The following FOXP2 variants were observed in gnomAD, a reference collection of about 807,000 sequenced individuals.
FOXP2 encodes the protein forkhead box P2.
In FOXP2, 12 loss-of-function variants were observed where a neutral mutation model predicts 115.8. That is an observed-to-expected ratio of 0.10 (90% CI 0.07 to 0.17). The LOEUF is 0.17. FOXP2 is among the 10% of genes least tolerant of loss of function. The pLI, the probability that FOXP2 is intolerant of heterozygous loss-of-function variation, is 1.00. For missense variants in FOXP2, 629 were observed against 843.5 expected (o/e 0.75, Z 3.15); for synonymous variants, 328 against 297.7 (o/e 1.10, Z -1.05).
rs1428898811 is a variant in FOXP2, at chr7:114,475,446, T to A, written c.168+48767T>A. Among the ~76,000 whole-genome samples the A allele has an allele frequency of 5.3e-5, 8 of 151,892 alleles. No homozygotes were observed. The East Asian group carries it at 1.5e-3, about 29-fold the overall frequency. Reference sequence around the variant, plus strand: ...TCAAGCCTGCATGAAAGTAAAAGAGTAGAAATTCTGTGCATATATGTTATA... The same window carrying A: ...TCAAGCCTGCATGAAAGTAAAAGAGAAGAAATTCTGTGCATATATGTTATA... On this transcript the variant is annotated intron_variant, in intron 2 of 16. Coordinates refer to ENST00000350908, the MANE Select transcript of FOXP2 (RefSeq NM_014491.4).
At chr7:114,485,323 A>G (rs1259814658) in intron 2 of FOXP2, among the ~76,000 whole-genome samples, 1 of 151,938 alleles carries the variant, frequency 6.6e-6, no homozygotes, top group African/African-American at 2.4e-5. Context: ...TCATATTGCT[A>G]TATTTTCTTA....
chr7:114,691,446 T>C lies in FOXP2; in HGVS notation c.*1520T>C. 2.2e-6 allele frequency: 1 copy of C among 454,014 alleles called. No individual in the cohort carries two copies. Among genetic ancestry groups the C allele is most frequent in the South Asian group, 1.6e-5 (1 of 64,468 alleles). The allele number at this position is 454,014 out of a possible 1,614,324, so 28.1% of individuals were successfully genotyped here. ...AGTTACATATAATTCTGCCTCTGCT[T>C]ATACGGGATATTAACACTAACAATA... On this transcript the variant is annotated 3_prime_UTR_variant, in exon 17 of 17. Transcript: ENST00000350908.
intron 16 of FOXP2, among the ~76,000 whole-genome samples, chr7:114,675,789 G>T (rs1313034554): frequency 6.6e-6 from 1 of 152,060 alleles, no homozygotes; most frequent in Admixed American, 6.6e-5. Context: ...TATGACTATA[G>T]AAATAGTCTA....
chr7:114,165,947 A>G (rs1015072728), intron 1 of FOXP2, among the ~76,000 whole-genome samples: 4 of 152,240 alleles, frequency 2.6e-5, no homozygotes, highest in Admixed American at 1.3e-4. Flanking sequence ...AAACTCAGAA[A>G]TGGACCCACA....
At chr7:114,420,544 C>T (rs988059170) in intron 1 of FOXP2, among the ~76,000 whole-genome samples, 1 of 151,758 alleles carries the variant, frequency 6.6e-6, no homozygotes, top group African/African-American at 2.4e-5. Context: ...AAACTGTAGC[C>T]AGTATTTATT....
intron 3 of FOXP2, among the ~76,000 whole-genome samples, chr7:114,620,473 A>G (rs1337155147): frequency 6.6e-6 from 1 of 152,082 alleles, no homozygotes; most frequent in Non-Finnish European, 1.5e-5. Context: ...ATGTCATGCT[A>G]TGAAGAGCCT....
intron 3 of FOXP2, among the ~76,000 whole-genome samples, chr7:114,536,405 T>C (rs1361577729): frequency 7.1e-6 from 1 of 141,234 alleles, no homozygotes; most frequent in South Asian, 2.2e-4. Flanking sequence ...TTCTTTTTTT[T>C]TTTTTTTTTT....
chr7:114,110,112 A>G (rs145791210), intron 1 of FOXP2, among the ~76,000 whole-genome samples: 77 of 152,294 alleles, frequency 5.1e-4, no homozygotes, highest in Non-Finnish European at 8.8e-4. Flanking sequence ...CTTGTTTGGC[A>G]TCATAATTAC....
chr7:114,693,543 A>G lies in FOXP2; in HGVS notation c.*3617A>G. The stretch of plus-strand genomic sequence containing the variant: ...AAAGCTATTGAAAGGAACATGGCTT[A>G]CCCTTGTTATTTCACTAGTTCAGGT... On this transcript the variant is annotated 3_prime_UTR_variant, in exon 17 of 17. Coordinates refer to ENST00000350908, the MANE Select transcript of FOXP2 (RefSeq NM_014491.4). 1 of 453,336 alleles carries G rather than the reference A, an allele frequency of 2.2e-6. No homozygotes were observed. The highest frequency in any genetic ancestry group is 2.4e-5 in the Admixed American group (1 of 42,500). The allele number at this position is 453,336 out of a possible 1,614,324, so 28.1% of individuals were successfully genotyped here.
At chr7:114,260,920 A>AT (rs756330633) in intron 1 of FOXP2, among the ~76,000 whole-genome samples, 3 of 152,176 alleles carry the variant, frequency 2.0e-5, no homozygotes, top group Non-Finnish European at 4.4e-5. Context: ...GAAGAGCTGC[A>AT]TATTTTTGAC....
chr7:114,577,132 G>A (rs1801614957), intron 3 of FOXP2, among the ~76,000 whole-genome samples: 2 of 151,872 alleles, frequency 1.3e-5, no homozygotes, highest in South Asian at 4.1e-4. Flanking sequence ...GGAACCAAAT[G>A]TTTATAACTG....
intron 4 of FOXP2, 132 bp downstream of exon 4, chr7:114,628,809 A>G: frequency 9.3e-7 from 1 of 1,072,836 alleles, no homozygotes; most frequent in Non-Finnish European, 1.4e-6. Context: ...CTAGAACATA[A>G]ATGTAACATT....
chr7:114,655,882 T>A (rs1429779454), intron 10 of FOXP2, among the ~76,000 whole-genome samples: 1 of 152,258 alleles, frequency 6.6e-6, no homozygotes. Context: ...TTGGCCATGC[T>A]ATGGATGGAT....
At chr7:114,525,998 G>T (rs925018176) in intron 2 of FOXP2, among the ~76,000 whole-genome samples, 1 of 151,844 alleles carries the variant, frequency 6.6e-6, no homozygotes, top group African/African-American at 2.4e-5. Flanking sequence ...TCTAATCACA[G>T]CTACTTGGGA....
intron 2 of FOXP2, among the ~76,000 whole-genome samples, chr7:114,447,638 C>T (rs746846493): frequency 2.0e-5 from 3 of 152,134 alleles, no homozygotes; most frequent in Non-Finnish European, 2.9e-5. Context: ...CTCCCAGCTC[C>T]CTAACCCTCA....
intron 3 of FOXP2, among the ~76,000 whole-genome samples, chr7:114,619,462 G>A (rs1804119718): frequency 6.6e-6 from 1 of 152,026 alleles, no homozygotes; most frequent in Non-Finnish European, 1.5e-5. Flanking sequence ...TATGTGTTCT[G>A]AATCTAGAAA....
intron 1 of FOXP2, among the ~76,000 whole-genome samples, chr7:114,182,086 T>C (rs1034675934): frequency 6.6e-6 from 1 of 152,112 alleles, no homozygotes; most frequent in African/African-American, 2.4e-5. Flanking sequence ...TGTTAACTTC[T>C]TTTGAACAAA....
intron 3 of FOXP2, among the ~76,000 whole-genome samples, chr7:114,615,188 A>G (rs1803866126): frequency 6.6e-6 from 1 of 152,138 alleles, no homozygotes; most frequent in South Asian, 2.1e-4. Flanking sequence ...CACTGCACTC[A>G]AACTTAAGCA....
At chr7:114,086,337 G>C (rs1274269102), upstream of FOXP2, 1 of 408,816 alleles carries the variant, frequency 2.4e-6, no homozygotes, top group South Asian at 1.7e-5. Flanking sequence ...GAGAAAGCGC[G>C]AGACACGCCG....
Sources: gnomAD v4.1 joint callset for allele counts (sites outside exome capture counted in the v4.1 genomes callset) on GRCh38, gnomAD v4.1.1 for gene constraint, MANE v1.5 for transcripts, NCBI Gene and HGNC (gene_info 2026-07-23, HGNC 2026-07-21) for gene names.